The following SMC6 variants were observed in gnomAD, a reference collection of about 807,000 sequenced individuals.
SMC6 encodes the protein structural maintenance of chromosomes protein 6.
A neutral mutation model predicts 142.2 loss-of-function variants in SMC6; 79 were observed. The ratio of observed to expected loss-of-function variants is 0.56; its 90% CI spans 0.46 to 0.67. SMC6 has a LOEUF of 0.67. Among genes scored for constraint, SMC6 ranks in the 30% least tolerant of loss-of-function variants. The pLI, the probability that SMC6 is intolerant of heterozygous loss-of-function variation, is 0.00. For synonymous variants in SMC6, 411 were observed against 412.4 expected, an observed-to-expected ratio of 1.00 and a Z score of 0.04; for missense variants, 1,072 against 1,284.0, an observed-to-expected ratio of 0.83 and a Z score of 2.52.
At chr2:17,671,321 A>G (rs940355736) in intron 25 of SMC6, among the ~76,000 whole-genome samples, 1 of 151,882 alleles carries the variant, frequency 6.6e-6, no homozygotes, top group Non-Finnish European at 1.5e-5. Context: ...CTGGCCAAAG[A>G]AATGCATTGA....
intron 7 of SMC6, among the ~76,000 whole-genome samples, chr2:17,729,993 T>C (rs1300583087): frequency 6.6e-6 from 1 of 152,196 alleles, no homozygotes; most frequent in Non-Finnish European, 1.5e-5. Flanking sequence ...TTGTTCTTTT[T>C]ATTTGATGGC....
At chr2:17,714,758 A>C in intron 16 of SMC6, 103 bp downstream of exon 16, 1 of 1,203,124 alleles carries the variant, frequency 8.3e-7, no homozygotes, top group African/African-American at 1.5e-5. Context: ...AATTTTACAA[A>C]TCAGTGGTAA....
intron 9 of SMC6, 130 bp from the exon 10 acceptor site, chr2:17,721,391 A>G (rs1381757308): frequency 2.1e-6 from 2 of 932,782 alleles, no homozygotes; most frequent in Non-Finnish European, 3.0e-6. Context: ...AATAACTTCT[A>G]TTTTTTAAAA....
Position 17,732,289 on chromosome 2 carries a change from G to C in SMC6, c.345-412C>G, listed in dbSNP as rs916726653. Among the ~76,000 whole-genome samples, 14 of 152,168 alleles carry C rather than the reference G, an allele frequency of 9.2e-5. 1 individual carries two copies. The highest frequency in any genetic ancestry group is 3.4e-4 in the African/African-American group (14 of 41,452). On this transcript the variant is annotated intron_variant, in intron 5 of 27. Coordinates refer to ENST00000448223, the MANE Select transcript of SMC6 (RefSeq NM_001142286.2). The stretch of plus-strand genomic sequence containing the variant: ...GCTTGACAGTAGGCCTTTAAAGAAT[G>C]ATGAAGTAAGAATTATGGTAAAGTA...
intron 23 of SMC6, among the ~76,000 whole-genome samples, chr2:17,684,700 G>T (rs1036366883): frequency 4.6e-5 from 7 of 152,046 alleles, no homozygotes; most frequent in Non-Finnish European, 8.8e-5. Flanking sequence ...GGTGGCATGT[G>T]CCTGTGGTCC....
At chr2:17,715,757 T>C (rs1466587078) in intron 15 of SMC6, among the ~76,000 whole-genome samples, 2 of 152,110 alleles carry the variant, frequency 1.3e-5, no homozygotes, top group African/African-American at 4.8e-5. Flanking sequence ...TTACCAAAAT[T>C]CAGTTAACTG....
intron 8 of SMC6, 149 bp downstream of exon 8, chr2:17,726,240 T>G: frequency 2.1e-6 from 1 of 479,710 alleles, no homozygotes; most frequent in Non-Finnish European, 3.5e-6. Context: ...ACTTAACAAT[T>G]TCCTAATCTA....
intron 3 of SMC6, among the ~76,000 whole-genome samples, chr2:17,742,868 A>G (rs566704066): frequency 6.6e-6 from 1 of 152,346 alleles, no homozygotes; most frequent in East Asian, 1.9e-4. Context: ...AGATACTGAC[A>G]TTGACATAGT....
intron 23 of SMC6, among the ~76,000 whole-genome samples, chr2:17,693,279 T>C (rs982768804): frequency 6.6e-6 from 1 of 151,888 alleles, no homozygotes; most frequent in Non-Finnish European, 1.5e-5. Flanking sequence ...CTATTCACAA[T>C]AGCAAAGACC....
chr2:17,684,060 T>TA (rs766609604), intron 23 of SMC6, among the ~76,000 whole-genome samples: 2 of 152,068 alleles, frequency 1.3e-5, no homozygotes, highest in Non-Finnish European at 2.9e-5. Flanking sequence ...TCTTAGAGAA[T>TA]ACTAGCAAAT....
chr2:17,724,138 T>C (rs1054498821), intron 9 of SMC6, among the ~76,000 whole-genome samples: 4 of 151,606 alleles, frequency 2.6e-5, no homozygotes, highest in Non-Finnish European at 5.9e-5. Flanking sequence ...ATGTAATATA[T>C]AGTAGGTACA....
intron 17 of SMC6, 72 bp from the exon 18 acceptor site, chr2:17,707,451 G>A: frequency 3.3e-6 from 3 of 915,750 alleles, no homozygotes; most frequent in Non-Finnish European, 4.6e-6. Flanking sequence ...ATTTCAAAAT[G>A]TTACTCGTCC....
chr2:17,699,795 C>G (rs1473197573), intron 21 of SMC6, among the ~76,000 whole-genome samples: 1 of 152,110 alleles, frequency 6.6e-6, no homozygotes, highest in African/African-American at 2.4e-5. Flanking sequence ...ACTGAGATAG[C>G]TGACAAACAA....
chr2:17,665,636 C>A, intron 27 of SMC6, 23 bp from the exon 28 acceptor site: 1 of 1,440,998 alleles, frequency 6.9e-7, no homozygotes, highest in Non-Finnish European at 9.6e-7. Flanking sequence ...AAATCAATTA[C>A]TCAAATTTCC....
At chr2:17,718,378 T>C (rs1669207791) in intron 11 of SMC6, among the ~76,000 whole-genome samples, 155 bp from the exon 12 acceptor site, 1 of 152,204 alleles carries the variant, frequency 6.6e-6, no homozygotes, top group Admixed American at 6.5e-5. Context: ...AATACTATAA[T>C]ATAATTTGAT....
chr2:17,671,307 T>C (rs1666747606), intron 25 of SMC6, among the ~76,000 whole-genome samples: 1 of 152,032 alleles, frequency 6.6e-6, no homozygotes, highest in African/African-American at 2.4e-5. Flanking sequence ...TTAAAAAGCT[T>C]ACACTGGCCA....
intron 2 of SMC6, 163 bp from the exon 3 acceptor site, chr2:17,746,114 G>C (rs1670733354): frequency 3.1e-6 from 2 of 653,060 alleles, no homozygotes; most frequent in East Asian, 3.4e-5. Context: ...CTAAGGAAGA[G>C]GGACATGAGT....
chr2:17,671,102 C>T (rs953669057), intron 25 of SMC6, among the ~76,000 whole-genome samples: 1 of 150,232 alleles, frequency 6.7e-6, no homozygotes, highest in Admixed American at 6.6e-5. Flanking sequence ...TTGAACTCCT[C>T]GGTTCAAGCA....
At chr2:17,738,169 AC>A in intron 5 of SMC6, 51 bp downstream of exon 5, 1 of 1,341,834 alleles carries the variant, frequency 7.5e-7, no homozygotes. Flanking sequence ...ATCTAAAGTA[AC>A]TGTTTTCTTA....
Sources: gnomAD v4.1 joint callset for allele counts (sites outside exome capture counted in the v4.1 genomes callset) on GRCh38, gnomAD v4.1.1 for gene constraint, MANE v1.5 for transcripts, NCBI Gene and HGNC (gene_info 2026-07-23, HGNC 2026-07-21) for gene names.